SLC22A6: variants seen among roughly 807,000 people sequenced by gnomAD.
SLC22A6 encodes solute carrier family 22 member 6, also known as PAH transporter.
In SLC22A6, 45 loss-of-function variants were observed where a neutral mutation model predicts 56.7. The ratio of observed to expected loss-of-function variants is 0.79; its 90% confidence interval spans 0.63 to 1.02. The LOEUF (loss-of-function observed/expected upper bound fraction) is 1.02, where lower values mean the gene tolerates loss of function less well. Ranked by LOEUF, SLC22A6 falls within the 50% of genes least tolerant of loss-of-function variation. SLC22A6 has a pLI of 0.00. For missense variants in SLC22A6, 606 were observed against 713.8 expected (o/e 0.85, Z 1.72); for synonymous variants, 291 against 295.9 (o/e 0.98, Z 0.17).
At position 62,984,687 on chromosome 11, in the gene SLC22A6, C is replaced by T. The variant is rs769827557; in HGVS notation, c.4G>A (p.Ala2Thr). 3.1e-6 allele frequency: 5 copies of T among 1,612,302 alleles called. No homozygotes were observed. Among genetic ancestry groups the T allele is most frequent in the Non-Finnish European group, 3.4e-6 (4 of 1,179,726 alleles). ...ACCTGCTGCAGGAGGTCATTAAAGG[C>T]CATTGGGCCAGGCCCAGCCCAGTGG... The part of the protein sequence containing the change: M[A>T]FNDLLQQVGG... The change falls in exon 1 of 10, where the codon GCC becomes ACC. Residue 2 changes from alanine (A) to threonine (T), a missense_variant. Ala to Thr is a moderately conservative substitution (Grantham distance 58). Transcript: ENST00000360421.
chr11:62,977,034 A>G, intron 9 of SLC22A6, 150 bp downstream of exon 9: 1 of 1,540,138 alleles, frequency 6.5e-7, no homozygotes, highest in Non-Finnish European at 8.9e-7. Context: ...GATCCCCAGG[A>G]AGGATTCTAG....
intron 1 of SLC22A6, 37 bp from the exon 2 acceptor site, chr11:62,984,084 C>A: frequency 6.8e-7 from 1 of 1,465,354 alleles, no homozygotes. Context: ...CAGAGATGAG[C>A]CTGGCTTCAG....
intron 4 of SLC22A6, 22 bp from the exon 5 acceptor site, chr11:62,981,405 G>T: frequency 3.5e-6 from 5 of 1,412,638 alleles, no homozygotes; most frequent in African/African-American, 1.4e-5. Flanking sequence ...GGTGGGGGTG[G>T]GTGTCAGCAT....
At chr11:62,979,377 G>C (rs1362148111) in intron 8 of SLC22A6, 111 bp downstream of exon 8, 1 of 745,476 alleles carries the variant, frequency 1.3e-6, no homozygotes, top group Non-Finnish European at 2.3e-6. Context: ...AGTGTTGGGA[G>C]GGGCCTTTGG....
chr11:62,979,596 T>C lies in SLC22A6; in HGVS notation c.1253A>G (p.Asp418Gly), dbSNP rs780729890. ...AAGAGAGGTTCGGACAATGGACTGG[T>C]CTAGAGAGAAAGAAGGGGGGATAGC... is the stretch of plus-strand genomic sequence containing the variant. ...CILLNGVIPQ[D>G]QSIVRTSLAV... Residue 418 changes from aspartate (D) to glycine (G), a missense_variant and splice_region_variant, in exon 8 of 10, where the codon GAC (aspartate) becomes GGC (glycine). By Grantham distance (94) the Asp-to-Gly change is moderately conservative. Transcript: ENST00000360421. 2.5e-6 allele frequency: 4 copies of C among 1,613,084 alleles called. No homozygotes were observed. In the African/African-American group the frequency reaches 5.3e-5, roughly 22 times the overall value.
rs1018415709 is a variant in SLC22A6, at chr11:62,983,776, T to C, written c.474-85A>G. ...CCAGGAGAGGAGGGCTCACCCTGGA[T>C]GATGCCTGGGCTGGGGCCTTTTGAG... On this transcript the variant is annotated intron_variant, in intron 2 of 9. Coordinates refer to ENST00000360421, the MANE Select transcript of SLC22A6 (RefSeq NM_153276.3). This position sits in a 1 kb window ranked among gnomAD's most constrained non-coding sequence, Gnocchi z 4.5. The C allele has an allele frequency of 6.4e-6, 9 of 1,406,852 alleles. No individual in the cohort carries two copies. The highest frequency in any genetic ancestry group is 7.7e-6 in the Non-Finnish European group (8 of 1,035,000). The allele number at this position is 1,406,852 out of a possible 1,614,324, so 87.1% of individuals were successfully genotyped here. A position where few individuals can be genotyped will look rare whatever the true frequency, so the allele number is the denominator to read the frequency against.
chr11:62,977,769 T>C (rs2086207194), intron 8 of SLC22A6, among the ~76,000 whole-genome samples: 2 of 152,258 alleles, frequency 1.3e-5, no homozygotes, highest in Non-Finnish European at 2.9e-5. Flanking sequence ...CTTCAGTTTC[T>C]GCAGCTGTCA....
Position 62,981,992 on chromosome 11 carries a change from A to G in SLC22A6, c.647T>C (p.Ile216Thr). ...CMTLNVEWMP[I>T]HTRACVGTLI... ...GGTGCCCACGCAGGCCCGTGTGTGA[A>G]TGGGCATCCACTCCACATCTGGAAA... Residue 216 changes from isoleucine (I) to threonine (T), a missense_variant, in exon 4 of 10, where the codon ATT becomes ACT. Ile to Thr is a moderately conservative substitution (Grantham distance 89). Transcript: ENST00000360421. 1 of 1,613,896 alleles carries G rather than the reference A, an allele frequency of 6.2e-7. No homozygotes were observed. Among genetic ancestry groups the G allele is most frequent in the Non-Finnish European group, 8.5e-7 (1 of 1,179,932 alleles).
chr11:62,979,556 CT>C lies in SLC22A6; in HGVS notation c.1292del (p.Lys431ArgfsTer22), dbSNP rs2086228612. 1 of 1,614,070 alleles carries C rather than the reference CT, an allele frequency of 6.2e-7. No individual in the cohort carries two copies. The highest frequency in any genetic ancestry group is 8.5e-7 in the Non-Finnish European group (1 of 1,180,032). ...AGTTGAAGGAGGCAGCCAGACAACC[CT>C]TCCCCAGCACAGCAAGAGAGGTTCG... The part of the protein sequence containing the change: ...IVRTSLAVLG[K>X]GCLAASFNCI... On this transcript the variant is annotated frameshift_variant, in exon 8 of 10. Transcript: ENST00000360421. LOFTEE classifies it high-confidence loss of function.
chr11:62,984,340 T>C lies in SLC22A6; in HGVS notation c.351A>G (p.Pro117=), dbSNP rs11568629. The change falls in exon 1 of 10, where the codon CCA becomes CCG. Residue 117 remains proline (P), a synonymous_variant. Coordinates refer to ENST00000360421, the MANE Select transcript of SLC22A6 (RefSeq NM_153276.3). ...TGCTCACCTCAGTCACGATGGTAGA[T>C]GGGAAGGTGCTGTTGTCATAGATCC... ...DGWIYDNSTF[P]STIVTEWDLV... is the part of the protein sequence containing the mutation. 0.058 allele frequency: 93,681 copies of C among 1,613,084 alleles called. 3,113 individuals are homozygous for C. The highest frequency in any genetic ancestry group is 0.088 in the Middle Eastern group (533 of 6,052).
In SLC22A6 at chr11:62,983,394, G is replaced by C. The variant is rs1021089811; in HGVS notation, c.628+143C>G. 10 of 839,618 alleles carry C rather than the reference G, an allele frequency of 1.2e-5. No individual in the cohort carries two copies. In the African/African-American group the frequency reaches 1.4e-4, roughly 12 times the overall value. 52.0% of individuals were successfully genotyped at this position (839,618 alleles called of 1,614,324 possible). A position where few individuals can be genotyped will look rare whatever the true frequency, so the allele number is the denominator to read the frequency against. The stretch of plus-strand genomic sequence containing the variant: ...TCAGGGCGGCATGAGCCTGAGAAAA[G>C]GTTGTTCTATTGGCAGGAAGGTGAG... On this transcript the variant is annotated intron_variant, in intron 3 of 9. Transcript: ENST00000360421. This position sits in a 1 kb window ranked among gnomAD's most constrained non-coding sequence, Gnocchi z 4.5.
In SLC22A6 at chr11:62,983,926, A is replaced by T; in HGVS notation, c.473+18T>A. On this transcript the variant is annotated intron_variant, in intron 2 of 9. Coordinates refer to ENST00000360421, the MANE Select transcript of SLC22A6 (RefSeq NM_153276.3). This position sits in a 1 kb window ranked among gnomAD's most constrained non-coding sequence, Gnocchi z 4.5. Reference sequence around the variant, plus strand: ...AATCCCAGCCCAGCCCAGCCCCTTGACCCTACCCAGGACTGACCTGTCTGC... The same window carrying T: ...AATCCCAGCCCAGCCCAGCCCCTTGTCCCTACCCAGGACTGACCTGTCTGC... 6.4e-7 allele frequency: 1 copy of T among 1,553,482 alleles called. No individual in the cohort carries two copies. The highest frequency in any genetic ancestry group is 8.9e-7 in the Non-Finnish European group (1 of 1,127,036).
rs376032568 is a variant in SLC22A6 at position 62,979,471 on chromosome 11, A to G, written c.1361+17T>C. On this transcript the variant is annotated intron_variant, in intron 8 of 9. Transcript: ENST00000360421. ...CCCAGGAAAAGGCTGTCATTCTCCC[A>G]TTAGGCTCCCACTCACCGGATCATT... 6.0e-5 allele frequency: 90 copies of G among 1,490,574 alleles called. No homozygotes were observed. The highest frequency in any genetic ancestry group is 5.3e-5 in the Non-Finnish European group (57 of 1,067,302). The allele number at this position is 1,490,574 out of a possible 1,614,324, so 92.3% of individuals were successfully genotyped here. A position where few individuals can be genotyped will look rare whatever the true frequency, so the allele number is the denominator to read the frequency against.
Position 62,984,651 on chromosome 11 carries a change from C to A in SLC22A6, c.40G>T (p.Gly14Cys). ...NDLLQQVGGV[G>C]RFQQIQVTLV... Reference sequence around the variant, plus strand: ...GTGACCTGGATCTGCTGGAAGCGGCCGACACCCCCCACCTGCTGCAGGAGG... The same window carrying A: ...GTGACCTGGATCTGCTGGAAGCGGCAGACACCCCCCACCTGCTGCAGGAGG... Residue 14 changes from glycine to cysteine, a missense_variant, in exon 1 of 10, where the codon GGC becomes TGC. Gly to Cys is a radical substitution (Grantham distance 159). Coordinates refer to ENST00000360421, the MANE Select transcript of SLC22A6 (RefSeq NM_153276.3). 3 of 1,613,604 alleles carry A rather than the reference C, an allele frequency of 1.9e-6. No individual in the cohort carries two copies. Among genetic ancestry groups the A allele is most frequent in the Non-Finnish European group, 2.5e-6 (3 of 1,179,918 alleles).
In SLC22A6 at chr11:62,984,504, GC is replaced by G; in HGVS notation, c.186del (p.Leu63TrpfsTer59). The G allele has an allele frequency of 7.4e-6, 12 of 1,613,974 alleles. No homozygotes were observed. Among genetic ancestry groups the G allele is most frequent in the Non-Finnish European group, 1.0e-5 (12 of 1,179,976 alleles). ...PADANLSKNG[G>X]LEVWLPRDRQ... ...CTGTCCCGGGGCAGCCAGACCTCCA[GC>G]CCCCCGTTCTTGCTGAGGTTGGCAT... On this transcript the variant is annotated frameshift_variant, in exon 1 of 10. Coordinates refer to ENST00000360421, the MANE Select transcript of SLC22A6 (RefSeq NM_153276.3). LOFTEE classifies it high-confidence loss of function.
At position 62,984,843 on chromosome 11, in the gene SLC22A6, G is replaced by A. The variant is rs752245971; in HGVS notation, c.-153C>T. The A allele has an allele frequency of 2.7e-6, 2 of 735,972 alleles. No individual in the cohort carries two copies. Among genetic ancestry groups the A allele is most frequent in the African/African-American group, 1.8e-5 (1 of 56,110 alleles). 45.6% of individuals were successfully genotyped at this position (735,972 alleles called of 1,614,324 possible). On this transcript the variant is annotated 5_prime_UTR_variant, in exon 1 of 10. Coordinates refer to ENST00000360421, the MANE Select transcript of SLC22A6 (RefSeq NM_153276.3). The stretch of plus-strand genomic sequence containing the variant: ...GGGAGCTGAGTCCGAGCTGCTCTGT[G>A]GGGGGACAGCAGCCTCCTTGGCTGC...
Position 62,984,567 on chromosome 11 carries a change from C to A in SLC22A6, c.124G>T (p.Ala42Ser), listed in dbSNP as rs1255802272. Residue 42 changes from alanine (A) to serine (S), a missense_variant, in exon 1 of 10, where the codon GCT (alanine) becomes TCT (serine). Transcript: ENST00000360421. ...ASHNTLQNFT[A>S]AIPTHHCRPP... ...CGGCAGTGGTGGGTAGGGATGGCAG[C>A]AGTGAAGTTCTGCAGGGTGTTGTGA... The A allele has an allele frequency of 3.1e-6, 5 of 1,613,470 alleles. No individual in the cohort carries two copies. The highest frequency in any genetic ancestry group is 4.2e-6 in the Non-Finnish European group (5 of 1,179,784).
rs750880280 is a variant in SLC22A6 at position 62,984,652 on chromosome 11, G to A, written c.39C>T (p.Val13=). The A allele has an allele frequency of 3.7e-6, 6 of 1,613,648 alleles. No homozygotes were observed. The highest frequency in any genetic ancestry group is 1.3e-5 in the African/African-American group (1 of 75,034). The change falls in exon 1 of 10, where the codon GTC becomes GTT. Residue 13 remains valine (V), a synonymous_variant. Coordinates refer to ENST00000360421, the MANE Select transcript of SLC22A6 (RefSeq NM_153276.3). ...FNDLLQQVGG[V]GRFQQIQVTL... The stretch of plus-strand genomic sequence containing the variant: ...TGACCTGGATCTGCTGGAAGCGGCC[G>A]ACACCCCCCACCTGCTGCAGGAGGT...
Position 62,981,290 on chromosome 11 carries a change from C to A in SLC22A6, c.891G>T (p.Lys297Asn). 1 of 1,609,174 alleles carries A rather than the reference C, an allele frequency of 6.2e-7. No individual in the cohort carries two copies. ...TACTCAATTTGGCTCCTTCTTCCCG[C>A]TTCCCATTGATCCGGGCGACTCTCT... Reference protein sequence around the residue: ...ALQRVARINGKREEGAKLSME... With the variant: ...ALQRVARINGNREEGAKLSME... The change falls in exon 5 of 10, where the codon AAG becomes AAT. Residue 297 changes from lysine to asparagine, a missense_variant. Transcript: ENST00000360421.
Sources: gnomAD v4.1 joint callset for allele counts (sites outside exome capture counted in the v4.1 genomes callset) on GRCh38, gnomAD v4.1.1 for gene constraint, Gnocchi (gnomAD v3.1) non-coding constraint, MANE v1.5 for transcripts, NCBI Gene and HGNC (gene_info 2026-07-23, HGNC 2026-07-21) for gene names.